Variants in POLR2E observed in about 807,000 individuals in gnomAD.
The protein encoded by POLR2E is RNA polymerase II, I and III subunit E, also known as DNA-directed RNA polymerases I, II, and III subunit RPABC1.
A neutral mutation model predicts 29.8 loss-of-function variants in POLR2E; 35 were observed. That is an observed-to-expected ratio of 1.17 (90% confidence interval 0.90 to 1.55). The LOEUF (loss-of-function observed/expected upper bound fraction) is 1.55, where lower values mean the gene tolerates loss of function less well. Among genes scored for constraint, POLR2E ranks in the 40% most tolerant of loss-of-function variants. The pLI is 0.00. For missense variants in POLR2E, 287 were observed against 288.6 expected (o/e 0.99, Z 0.04); for synonymous variants, 174 against 112.6 (o/e 1.55, Z -3.45).
In POLR2E at chr19:1,089,510, G is replaced by A. The variant is rs777273136; in HGVS notation, c.609C>T (p.Tyr203=). ...IIRPSETAGR[Y]ITYRLVQ is the part of the protein sequence containing the mutation. Reference sequence around the variant, plus strand: ...GCTACTGCACCAGCCGGTAGGTGATGTACCTGCCAGCCGTCTCACTGGGCC... The same window carrying A: ...GCTACTGCACCAGCCGGTAGGTGATATACCTGCCAGCCGTCTCACTGGGCC... The change falls in exon 7 of 8, where the codon TAC becomes TAT. Residue 203 remains tyrosine, a synonymous_variant. Transcript: ENST00000615234. 8 of 1,613,536 alleles carry A rather than the reference G, an allele frequency of 5.0e-6. No individual in the cohort carries two copies. Among genetic ancestry groups the A allele is most frequent in the East Asian group, 2.2e-5 (1 of 44,886 alleles).
chr19:1,093,404 G>C (rs888325169), intron 2 of POLR2E, among the ~76,000 whole-genome samples: 9 of 152,104 alleles, frequency 5.9e-5, no homozygotes, highest in Non-Finnish European at 1.3e-4. Flanking sequence ...GGTCCCAGGG[G>C]TCCTGGGAAA....
intron 5 of POLR2E, 60 bp from the exon 6 acceptor site, chr19:1,090,022 G>GTGT: frequency 3.0e-5 from 1 of 33,156 alleles, no homozygotes; most frequent in Non-Finnish European, 4.5e-5. Context: ...GGGTGTGTGT[G>GTGT]GGGGGGGAAC....
rs918703995 is a variant in POLR2E, at chr19:1,088,340, GCCC to G, written c.*392_*394del. 7 of 152,360 alleles carry G rather than the reference GCCC, an allele frequency of 4.6e-5. No homozygotes were observed. Among genetic ancestry groups the G allele is most frequent in the African/African-American group, 1.7e-4 (7 of 41,428 alleles). 9.4% of individuals were successfully genotyped at this position (152,360 alleles called of 1,614,324 possible). On this transcript the variant is annotated 3_prime_UTR_variant, in exon 8 of 8. Transcript: ENST00000615234. The stretch of plus-strand genomic sequence containing the variant: ...CGGGCGGGGGCCGCCACGCATCAGG[GCCC>G]CCGAGGGAGGGAAGACGAGGGGTGG...
intron 6 of POLR2E, 164 bp downstream of exon 6, chr19:1,089,720 C>A (rs2043787893): frequency 1.3e-6 from 1 of 782,786 alleles, no homozygotes; most frequent in East Asian, 2.7e-5. Context: ...CTTCTCTGGG[C>A]CCAGTGGCCC....
intron 2 of POLR2E, 121 bp downstream of exon 2, chr19:1,093,783 C>T (rs187221459): frequency 1.2e-5 from 17 of 1,420,542 alleles, no homozygotes; most frequent in Middle Eastern, 5.2e-4. Flanking sequence ...GAGTTTTCCT[C>T]CCAGACTGGG....
intron 6 of POLR2E, 100 bp downstream of exon 6, chr19:1,089,784 T>TG: frequency 9.8e-7 from 1 of 1,023,196 alleles, no homozygotes; most frequent in Non-Finnish European, 1.5e-6. Context: ...CTCCAGGCCC[T>TG]GGATCAAGGG....
rs2145122374 is a variant in POLR2E at position 1,087,296 on chromosome 19, GCA to G, written c.*1437_*1438del. On this transcript the variant is annotated 3_prime_UTR_variant, in exon 8 of 8. Coordinates refer to ENST00000615234, the MANE Select transcript of POLR2E (RefSeq NM_002695.5). Reference sequence around the variant, plus strand: ...AGCTCCCAAGTAGCTGGGATTACAGGCATGCACCACCACGCCCAGGTAATTTT... The same window carrying G: ...AGCTCCCAAGTAGCTGGGATTACAGGTGCACCACCACGCCCAGGTAATTTT... 6.6e-6 allele frequency: 1 copy of G among 152,322 alleles called. No individual in the cohort carries two copies. The highest frequency in any genetic ancestry group is 2.4e-5 in the African/African-American group (1 of 41,506). The allele number at this position is 152,322 out of a possible 1,614,324, so 9.4% of individuals were successfully genotyped here.
intron 6 of POLR2E, 157 bp from the exon 7 acceptor site, chr19:1,089,708 C>A: frequency 1.3e-6 from 1 of 796,866 alleles, no homozygotes. Context: ...CTGGGTCACG[C>A]TCTTCTCTGG....
At position 1,089,481 on chromosome 19, in the gene POLR2E, G is replaced by T. The variant is rs145692869; in HGVS notation, c.*5C>A. 2 of 1,611,312 alleles carry T rather than the reference G, an allele frequency of 1.2e-6. No individual in the cohort carries two copies. The highest frequency in any genetic ancestry group is 2.2e-5 in the South Asian group (2 of 91,002). On this transcript the variant is annotated 3_prime_UTR_variant, in exon 7 of 8. Coordinates refer to ENST00000615234, the MANE Select transcript of POLR2E (RefSeq NM_002695.5). The stretch of plus-strand genomic sequence containing the variant: ...CCCTCGGCCGTCTCACCTGTCAGGC[G>T]GTAGCTACTGCACCAGCCGGTAGGT...
intron 3 of POLR2E, chr19:1,091,550 A>G (rs910506545): frequency 3.7e-6 from 2 of 543,002 alleles, no homozygotes; most frequent in Non-Finnish European, 3.3e-6. Flanking sequence ...CGAGAGGCAC[A>G]GTGCCCTCCG....
chr19:1,094,127 GCCAAAGCTCGTGAC>G, intron 1 of POLR2E, 49 bp from the exon 2 acceptor site: 1 of 1,548,946 alleles, frequency 6.5e-7, no homozygotes, highest in Non-Finnish European at 8.8e-7. Flanking sequence ...GAGGAAGGCG[GCCAAAGCTCGTGAC>G]CCGGAAGTCA....
chr19:1,094,415 C>T, intron 1 of POLR2E: 1 of 289,534 alleles, frequency 3.5e-6, no homozygotes, highest in Non-Finnish European at 6.4e-6. Context: ...CGCGGAGGCT[C>T]ACGCCCGTGA....
intron 5 of POLR2E, 54 bp from the exon 6 acceptor site, chr19:1,090,016 G>A: frequency 7.2e-7 from 1 of 1,391,320 alleles, no homozygotes; most frequent in Non-Finnish European, 9.8e-7. Flanking sequence ...GGGCAGGGGT[G>A]TGTGTGGGGG....
chr19:1,090,790 C>T, intron 4 of POLR2E, 118 bp downstream of exon 4: 5 of 826,134 alleles, frequency 6.1e-6, no homozygotes, highest in South Asian at 5.1e-5. Flanking sequence ...GAACCCTGTC[C>T]TCCATGCACT....
At position 1,086,944 on chromosome 19, in the gene POLR2E, A is replaced by C. The variant is rs945346563; in HGVS notation, c.*1791T>G. 1 of 151,670 alleles carries C rather than the reference A, an allele frequency of 6.6e-6. No homozygotes were observed. The highest frequency in any genetic ancestry group is 2.4e-5 in the African/African-American group (1 of 41,230). The allele number at this position is 151,670 out of a possible 1,614,324, so 9.4% of individuals were successfully genotyped here. ...CTCTAAGGTTTCGCACGTCAGCCCC[A>C]CATGGCCACCAAGCACTGGAAACGT... On this transcript the variant is annotated 3_prime_UTR_variant, in exon 8 of 8. Coordinates refer to ENST00000615234, the MANE Select transcript of POLR2E (RefSeq NM_002695.5).
At chr19:1,092,528 C>T (rs957732245) in intron 2 of POLR2E, among the ~76,000 whole-genome samples, 15 of 151,646 alleles carry the variant, frequency 9.9e-5, no homozygotes, top group South Asian at 6.3e-4. Flanking sequence ...GGTGAAATCC[C>T]GTTTCTACTA....
At chr19:1,093,721 C>T in intron 2 of POLR2E, 183 bp downstream of exon 2, 2 of 1,386,960 alleles carry the variant, frequency 1.4e-6, no homozygotes, top group Admixed American at 3.4e-5. Flanking sequence ...AGAAGCTGAG[C>T]ATGAGAGGGG....
At position 1,089,938 on chromosome 19, in the gene POLR2E, G is replaced by C. The variant is rs749213222; in HGVS notation, c.513C>G (p.Pro171=). 5 of 1,613,004 alleles carry C rather than the reference G, an allele frequency of 3.1e-6. No individual in the cohort carries two copies. The South Asian group carries it at 5.5e-5, about 18-fold the overall frequency. The change falls in exon 6 of 8, where the codon CCC becomes CCG. Residue 171 remains proline (P), a synonymous_variant. Coordinates refer to ENST00000615234, the MANE Select transcript of POLR2E (RefSeq NM_002695.5). Reference sequence around the variant, plus strand: ...CCACAGGGTCCCCCGCCTGGATCCTGGGCAGCTGGTTCTCTCGGAGCTTAC... The same window carrying C: ...CCACAGGGTCCCCCGCCTGGATCCTCGGCAGCTGGTTCTCTCGGAGCTTAC... ...ARYKLRENQL[P]RIQAGDPVAR...
rs756483511 is a variant in POLR2E at position 1,093,879 on chromosome 19, A to T, written c.232+25T>A. 9 of 1,546,790 alleles carry T rather than the reference A, an allele frequency of 5.8e-6. No homozygotes were observed. The Middle Eastern group carries it at 6.4e-4, about 109-fold the overall frequency. On this transcript the variant is annotated intron_variant, in intron 2 of 7. Coordinates refer to ENST00000615234, the MANE Select transcript of POLR2E (RefSeq NM_002695.5). The stretch of plus-strand genomic sequence containing the variant: ...GCAGGTGCTCTGGTGGCTTCACCGG[A>T]ACTCCCCCGGGACCCGCTGCTCACC...
Sources: allele counts gnomAD v4.1 joint callset (sites outside exome capture counted in the v4.1 genomes callset), GRCh38; gene constraint gnomAD v4.1.1; transcripts MANE v1.5; gene names NCBI Gene and HGNC (gene_info 2026-07-23, HGNC 2026-07-21).